GOLIM4: variants seen among roughly 807,000 people sequenced by gnomAD.
The protein encoded by GOLIM4 is 130 kDa golgi-localized phosphoprotein.
Under a neutral mutation model 107.4 loss-of-function variants are expected in GOLIM4, and 71 were observed. The ratio of observed to expected loss-of-function variants is 0.66; its 90% CI spans 0.55 to 0.81. GOLIM4 has a LOEUF of 0.81. Ranked by LOEUF, GOLIM4 falls within the 30% of genes least tolerant of loss-of-function variation. The probability of loss-of-function intolerance (pLI) is 0.00; values close to 1 mark genes in which losing one functional copy is unlikely to be tolerated. For missense variants in GOLIM4, 830 were observed against 826.1 expected, an observed-to-expected ratio of 1.00 and a Z score of -0.06; for synonymous variants, 327 against 294.8, an observed-to-expected ratio of 1.11 and a Z score of -1.12.
chr3:168,057,175 C>T (rs987511461), intron 1 of GOLIM4, among the ~76,000 whole-genome samples: 1 of 152,208 alleles, frequency 6.6e-6, no homozygotes, highest in African/African-American at 2.4e-5. Flanking sequence ...CTCCTGTCTG[C>T]TGCCATGTGA....
chr3:168,092,697 C>A (rs912232063), intron 1 of GOLIM4, among the ~76,000 whole-genome samples: 3 of 152,116 alleles, frequency 2.0e-5, no homozygotes, highest in Admixed American at 2.0e-4. Flanking sequence ...CCCATCTATG[C>A]AGGTGGTACA....
At chr3:168,020,900 G>C (rs576316463) in intron 14 of GOLIM4, among the ~76,000 whole-genome samples, 3 of 152,268 alleles carry the variant, frequency 2.0e-5, no homozygotes, top group African/African-American at 7.2e-5. Flanking sequence ...AATATGACTA[G>C]AATAATAAGC....
At chr3:168,091,861 C>T (rs147557109) in intron 1 of GOLIM4, among the ~76,000 whole-genome samples, 3 of 152,300 alleles carry the variant, frequency 2.0e-5, no homozygotes, top group Non-Finnish European at 4.4e-5. Flanking sequence ...AGTCTAGAAA[C>T]CAGTCTGCTT....
chr3:168,027,289 TCA>T (rs1718045616), intron 12 of GOLIM4, among the ~76,000 whole-genome samples: 1 of 152,112 alleles, frequency 6.6e-6, no homozygotes, highest in South Asian at 2.1e-4. Flanking sequence ...TTACAGAGAG[TCA>T]CACAAATACC....
chr3:168,024,632 A>G, intron 13 of GOLIM4, 38 bp from the exon 14 acceptor site: 1 of 1,497,350 alleles, frequency 6.7e-7, no homozygotes, highest in South Asian at 1.1e-5. Flanking sequence ...GTTACTGTAC[A>G]TCAGAGATGC....
In GOLIM4 at chr3:168,036,467, G is replaced by A. The variant is rs545098821; in HGVS notation, c.843+369C>T. 7.2e-5 allele frequency among the ~76,000 whole-genome samples: 11 copies of A among 152,276 alleles called. No individual in the cohort carries two copies. The East Asian group carries it at 1.2e-3, about 16-fold the overall frequency. On this transcript the variant is annotated intron_variant, in intron 8 of 15. Transcript: ENST00000470487. ...GAGGCAGGGAGAATTGCTTGAACCC[G>A]GGAAGCGGAGGTTGCAGTGAGCTAA...
chr3:168,013,239 C>T (rs1355863948), intron 14 of GOLIM4, among the ~76,000 whole-genome samples: 1 of 151,404 alleles, frequency 6.6e-6, no homozygotes, highest in Admixed American at 6.6e-5. Flanking sequence ...GGGTTGCAAT[C>T]CGAGTCTCTG....
intron 14 of GOLIM4, among the ~76,000 whole-genome samples, chr3:168,019,686 T>C (rs10936550): frequency 0.19 from 29,287 of 152,138 alleles, 6,218 homozygotes; most frequent in African/African-American, 0.53. Context: ...AAATGGAAGT[T>C]AGCATAAAAG....
Position 168,044,821 on chromosome 3 carries a change from T to A in GOLIM4, c.366+7A>T. 6.7e-7 allele frequency: 1 copy of A among 1,482,448 alleles called. No homozygotes were observed. The highest frequency in any genetic ancestry group is 1.4e-5 in the African/African-American group (1 of 71,392). The allele number at this position is 1,482,448 out of a possible 1,614,324, so 91.8% of individuals were successfully genotyped here. A position where few individuals can be genotyped will look rare whatever the true frequency, so the allele number is the denominator to read the frequency against. On this transcript the variant is annotated splice_region_variant and intron_variant, in intron 4 of 15. Transcript: ENST00000470487. The stretch of plus-strand genomic sequence containing the variant: ...TTATTCATAAATAACAACTTTAGAT[T>A]ACTCACTTTCAACATCTGATGTTGG...
At chr3:168,057,054 G>T (rs1014566204) in intron 1 of GOLIM4, among the ~76,000 whole-genome samples, 1 of 152,140 alleles carries the variant, frequency 6.6e-6, no homozygotes, top group African/African-American at 2.4e-5. Context: ...GGGGGACCCG[G>T]TGGGAGGTAA....
At chr3:168,068,978 A>G (rs1021748278) in intron 1 of GOLIM4, among the ~76,000 whole-genome samples, 1 of 151,918 alleles carries the variant, frequency 6.6e-6, no homozygotes, top group African/African-American at 2.4e-5. Flanking sequence ...CTGGGATTAC[A>G]GGAGAATGCC....
rs138139668 is a variant in GOLIM4, at chr3:168,076,688, CTCAA to C, written c.187+18407_187+18410del. Reference sequence around the variant, plus strand: ...CCTGGGCAACAGAGTGAGACTCCATCTCAATCAATCAATCAATCAATCAATCAAT... The same window carrying C: ...CCTGGGCAACAGAGTGAGACTCCATCTCAATCAATCAATCAATCAATCAAT... On this transcript the variant is annotated intron_variant, in intron 1 of 15. Transcript: ENST00000470487. Among the ~76,000 whole-genome samples the C allele has an allele frequency of 5.6e-3, 851 of 152,210 alleles. 10 individuals carry two copies. The highest frequency in any genetic ancestry group is 0.018 in the African/African-American group (759 of 41,532).
rs570013414 is a variant in GOLIM4 at position 168,025,154 on chromosome 3, C to T, written c.1624-59G>A. ...CAAAACTGAGGATCAAGTTTAATTT[C>T]ATTTGAAAAGGCTGCCCACTGGCAG... is the stretch of plus-strand genomic sequence containing the variant. On this transcript the variant is annotated intron_variant, in intron 12 of 15. Coordinates refer to ENST00000470487, the MANE Select transcript of GOLIM4 (RefSeq NM_014498.5). 8.6e-4 allele frequency: 1,224 copies of T among 1,421,636 alleles called. 17 individuals are homozygous for T. The highest frequency in any genetic ancestry group is 8.5e-3 in the South Asian group (685 of 81,018). The allele number at this position is 1,421,636 out of a possible 1,614,324, so 88.1% of individuals were successfully genotyped here.
intron 1 of GOLIM4, among the ~76,000 whole-genome samples, chr3:168,068,351 A>G (rs968418005): frequency 2.0e-5 from 3 of 152,100 alleles, no homozygotes; most frequent in Non-Finnish European, 4.4e-5. Context: ...CTGCTCATTC[A>G]ACACTTTGTG....
intron 1 of GOLIM4, among the ~76,000 whole-genome samples, chr3:168,065,217 C>T (rs985282005): frequency 2.0e-5 from 3 of 152,112 alleles, no homozygotes; most frequent in African/African-American, 7.2e-5. Context: ...TTTAAATATT[C>T]ATGTTTATAG....
intron 1 of GOLIM4, among the ~76,000 whole-genome samples, chr3:168,061,775 T>C (rs1399585663): frequency 6.6e-6 from 1 of 152,160 alleles, no homozygotes; most frequent in Non-Finnish European, 1.5e-5. Flanking sequence ...GAAGACAAGA[T>C]ACTATTCACA....
At chr3:168,045,392 G>C (rs1422752785) in intron 3 of GOLIM4, among the ~76,000 whole-genome samples, 3 of 152,146 alleles carry the variant, frequency 2.0e-5, no homozygotes, top group Non-Finnish European at 4.4e-5. Context: ...CCCCAGTGAG[G>C]CTCTATTTTG....
chr3:168,092,861 A>G (rs946778215), intron 1 of GOLIM4, among the ~76,000 whole-genome samples: 1 of 152,230 alleles, frequency 6.6e-6, no homozygotes, highest in Non-Finnish European at 1.5e-5. Flanking sequence ...AAACAAACAA[A>G]AAAATACTTT....
chr3:168,073,795 G>C lies in GOLIM4; in HGVS notation c.187+21304C>G, dbSNP rs563638646. Among the ~76,000 whole-genome samples the C allele has an allele frequency of 3.3e-5, 5 of 152,258 alleles. No homozygotes were observed. The East Asian group carries it at 5.8e-4, about 18-fold the overall frequency. On this transcript the variant is annotated intron_variant, in intron 1 of 15. Transcript: ENST00000470487. ...TTGTTCAGAGGTGAAAACATAGAAG[G>C]CATCGGCTTCTTAAAAGCAGCTGTG...
Sources: gnomAD v4.1 joint callset for allele counts (sites outside exome capture counted in the v4.1 genomes callset) on GRCh38, gnomAD v4.1.1 for gene constraint, MANE v1.5 for transcripts, NCBI Gene and HGNC (gene_info 2026-07-23, HGNC 2026-07-21) for gene names.